The following NOL4 variants were observed in gnomAD, a reference collection of about 807,000 sequenced individuals.
NOL4 encodes nucleolar protein 4.
Under a neutral mutation model 75.9 loss-of-function variants are expected in NOL4, and 17 were observed. The observed-to-expected ratio is 0.22, with a 90% CI of 0.15 to 0.34. The LOEUF is 0.34. Ranked by LOEUF, NOL4 falls within the 10% of genes least tolerant of loss-of-function variation. The pLI is 1.00. For missense variants in NOL4, 614 were observed against 793.5 expected (o/e 0.77, Z 2.72); for synonymous variants, 292 against 289.9 (o/e 1.01, Z -0.07).
chr18:34,069,472 C>G (rs193287977), intron 5 of NOL4, among the ~76,000 whole-genome samples: 1 of 151,906 alleles, frequency 6.6e-6, no homozygotes, highest in African/African-American at 2.4e-5. Flanking sequence ...GAAAATAAGA[C>G]GGATAATTTC....
intron 1 of NOL4, among the ~76,000 whole-genome samples, chr18:34,198,917 G>A (rs1277812197): frequency 6.6e-6 from 1 of 151,750 alleles, no homozygotes; most frequent in African/African-American, 2.4e-5. Context: ...AATCCTAGGG[G>A]CCTGTGTTAA....
chr18:33,858,286 G>A (rs1482985398), intron 10 of NOL4, among the ~76,000 whole-genome samples: 3 of 151,554 alleles, frequency 2.0e-5, no homozygotes, highest in Admixed American at 6.6e-5. Flanking sequence ...TAACAAATTC[G>A]CCCCTTGAAA....
intron 10 of NOL4, among the ~76,000 whole-genome samples, chr18:33,862,744 T>C (rs2063216351): frequency 6.6e-6 from 1 of 152,178 alleles, no homozygotes; most frequent in Non-Finnish European, 1.5e-5. Flanking sequence ...CCAGTTAGAA[T>C]GGCAATCATT....
intron 6 of NOL4, among the ~76,000 whole-genome samples, chr18:33,973,747 G>A (rs574637585): frequency 8.5e-5 from 13 of 152,272 alleles, no homozygotes; most frequent in South Asian, 2.1e-4. Flanking sequence ...ATTTTGAAAC[G>A]AATCTTTTAT....
chr18:33,908,436 C>T (rs2066196065), intron 9 of NOL4, among the ~76,000 whole-genome samples: 1 of 152,130 alleles, frequency 6.6e-6, no homozygotes, highest in Non-Finnish European at 1.5e-5. Context: ...TTCCTAATAT[C>T]ACTACATAAT....
At chr18:34,194,369 G>A (rs1181607194) in intron 1 of NOL4, among the ~76,000 whole-genome samples, 3 of 147,888 alleles carry the variant, frequency 2.0e-5, no homozygotes, top group Admixed American at 6.8e-5. Context: ...TATTTTAAAA[G>A]CAACTAAGAA....
At chr18:34,201,045 G>A (rs926441454) in intron 1 of NOL4, among the ~76,000 whole-genome samples, 1 of 151,600 alleles carries the variant, frequency 6.6e-6, no homozygotes, top group Non-Finnish European at 1.5e-5. Context: ...ATAAGATAGA[G>A]AGACTGTGAG....
chr18:34,163,906 G>A (rs530726110), intron 1 of NOL4, among the ~76,000 whole-genome samples: 33 of 152,258 alleles, frequency 2.2e-4, no homozygotes, highest in African/African-American at 7.7e-4. Context: ...TAGATCAATG[G>A]AACGGAACAG....
chr18:33,934,167 G>A, intron 9 of NOL4, among the ~76,000 whole-genome samples: 1 of 151,802 alleles, frequency 6.6e-6, no homozygotes, highest in Non-Finnish European at 1.5e-5. Flanking sequence ...TTTATTTCCT[G>A]AGCAGTAGGC....
intron 2 of NOL4, among the ~76,000 whole-genome samples, chr18:34,125,691 T>C (rs553604264): frequency 1.0e-3 from 155 of 152,328 alleles, no homozygotes; most frequent in African/African-American, 3.6e-3. Flanking sequence ...TACATGAATA[T>C]GTTACTATTC....
intron 9 of NOL4, among the ~76,000 whole-genome samples, chr18:33,887,062 T>C (rs958800318): frequency 7.1e-6 from 1 of 140,248 alleles, no homozygotes; most frequent in East Asian, 2.0e-4. Context: ...TATATATCTA[T>C]ATATAATATA....
intron 1 of NOL4, among the ~76,000 whole-genome samples, chr18:34,133,209 T>C (rs994187308): frequency 7.4e-5 from 11 of 149,508 alleles, no homozygotes; most frequent in Non-Finnish European, 1.0e-4. Flanking sequence ...GAGGTGGAGG[T>C]TGCAGTGAGC....
intron 1 of NOL4, chr18:34,222,047 C>T (rs2037349768): frequency 6.5e-7 from 1 of 1,535,512 alleles, no homozygotes; most frequent in East Asian, 2.5e-5. Context: ...AGGTCTCCTG[C>T]ATCAGATCTG....
intron 6 of NOL4, among the ~76,000 whole-genome samples, chr18:33,976,651 A>G (rs1302621030): frequency 1.3e-5 from 2 of 152,172 alleles, no homozygotes; most frequent in Non-Finnish European, 2.9e-5. Flanking sequence ...AAAGTTATGC[A>G]TACTGTTAAT....
intron 6 of NOL4, among the ~76,000 whole-genome samples, chr18:33,961,160 CAGTT>C (rs2070092004): frequency 2.0e-5 from 3 of 151,962 alleles, no homozygotes; most frequent in African/African-American, 7.2e-5. Flanking sequence ...ATATATCTGA[CAGTT>C]AGTTTTATGT....
intron 6 of NOL4, among the ~76,000 whole-genome samples, chr18:34,001,387 C>A (rs562886549): frequency 6.6e-6 from 1 of 152,264 alleles, no homozygotes; most frequent in Non-Finnish European, 1.5e-5. Context: ...TCTTCCCATA[C>A]CTATAGCATT....
intron 5 of NOL4, among the ~76,000 whole-genome samples, chr18:34,057,476 A>G (rs1481522194): frequency 6.6e-6 from 1 of 152,182 alleles, no homozygotes; most frequent in Non-Finnish European, 1.5e-5. Flanking sequence ...CAACATCTCA[A>G]TCAAATCTGT....
chr18:34,046,607 C>CATATATAGATATATATAT (rs2076377771), intron 5 of NOL4, among the ~76,000 whole-genome samples: 1 of 81,658 alleles, frequency 1.2e-5, no homozygotes, highest in Admixed American at 1.4e-4. Context: ...TTTACTTATA[C>CATATATAGATATATATAT]ATATATATAT....
chr18:34,039,431 T>C (rs2076048563), intron 5 of NOL4, among the ~76,000 whole-genome samples: 1 of 152,008 alleles, frequency 6.6e-6, no homozygotes, highest in South Asian at 2.1e-4. Flanking sequence ...CAGACTTCAA[T>C]GAATCTCTAA....
Sources: allele counts gnomAD v4.1 joint callset (sites outside exome capture counted in the v4.1 genomes callset), GRCh38; gene constraint gnomAD v4.1.1; transcripts MANE v1.5; gene names NCBI Gene and HGNC (gene_info 2026-07-23, HGNC 2026-07-21).